YWHAE: variants seen among roughly 807,000 people sequenced by gnomAD.
YWHAE encodes the protein tyrosine 3-monooxygenase/tryptophan 5-monooxygenase activation protein epsilon.
YWHAE carries 4 observed loss-of-function variants against 30.1 expected under a neutral mutation model. The ratio of observed to expected loss-of-function variants is 0.13; its 90% CI spans 0.07 to 0.30. The LOEUF is 0.30. Among genes scored for constraint, YWHAE ranks in the 10% least tolerant of loss-of-function variants. The pLI, the probability that YWHAE is intolerant of heterozygous loss-of-function variation, is 1.00. For synonymous variants in YWHAE, 118 were observed against 111.8 expected, an observed-to-expected ratio of 1.06 and a Z score of -0.35; for missense variants, 121 against 315.9, an observed-to-expected ratio of 0.38 and a Z score of 4.68.
intron 1 of YWHAE, among the ~76,000 whole-genome samples, chr17:1,384,775 G>T (rs566427659): frequency 1.3e-5 from 2 of 151,904 alleles, no homozygotes; most frequent in Non-Finnish European, 2.9e-5. Flanking sequence ...GCGCTATCTC[G>T]GCTCACTGCA....
At chr17:1,353,218 C>CA (rs2072665996) in intron 5 of YWHAE, among the ~76,000 whole-genome samples, 1 of 151,814 alleles carries the variant, frequency 6.6e-6, no homozygotes, top group Admixed American at 6.6e-5. Flanking sequence ...GCGGGTGGAT[C>CA]ACAAGGTTAG....
chr17:1,347,201 T>C (rs962417062), intron 5 of YWHAE, among the ~76,000 whole-genome samples: 11 of 148,182 alleles, frequency 7.4e-5, no homozygotes, highest in Non-Finnish European at 1.5e-4. Flanking sequence ...TAGCCAGGCA[T>C]GGTGGCAGGC....
chr17:1,393,204 A>C (rs1318663983), intron 1 of YWHAE, among the ~76,000 whole-genome samples: 2 of 151,354 alleles, frequency 1.3e-5, no homozygotes, highest in Non-Finnish European at 2.9e-5. Flanking sequence ...AACAAAAAAA[A>C]CAGCTACTTA....
At chr17:1,350,279 T>G (rs935881206) in intron 5 of YWHAE, among the ~76,000 whole-genome samples, 1 of 152,022 alleles carries the variant, frequency 6.6e-6, no homozygotes. Flanking sequence ...GATGATCCAT[T>G]TCCTAAAACT....
In YWHAE at chr17:1,347,293, G is replaced by A. The variant is rs570337687; in HGVS notation, c.716-1794C>T. 9.6e-4 allele frequency among the ~76,000 whole-genome samples: 144 copies of A among 150,448 alleles called. No homozygotes were observed. In the Middle Eastern group the frequency reaches 0.01, roughly 11 times the overall value. On this transcript the variant is annotated intron_variant, in intron 5 of 5. Transcript: ENST00000264335. ...GCTTTCAGTGAGCCAAGATTCTGCC[G>A]CTGCACTCCAGCCTGGGCGACAATC...
At chr17:1,367,764 A>T (rs1270636050) in intron 1 of YWHAE, among the ~76,000 whole-genome samples, 1 of 152,148 alleles carries the variant, frequency 6.6e-6, no homozygotes, top group Non-Finnish European at 1.5e-5. Flanking sequence ...GATTAAAAGG[A>T]TTTTATCATT....
At chr17:1,355,961 G>A (rs962073470) in intron 4 of YWHAE, among the ~76,000 whole-genome samples, 1 of 152,130 alleles carries the variant, frequency 6.6e-6, no homozygotes, top group African/African-American at 2.4e-5. Context: ...GTGGTTAGGA[G>A]ATCGAGACCA....
intron 1 of YWHAE, among the ~76,000 whole-genome samples, chr17:1,374,344 T>C (rs2073092980): frequency 6.6e-6 from 1 of 151,786 alleles, no homozygotes; most frequent in Admixed American, 6.6e-5. Flanking sequence ...ATCCATTCGT[T>C]AGTTAATGAA....
chr17:1,384,476 C>G lies in YWHAE; in HGVS notation c.64+15571G>C, dbSNP rs558579805. ...GGAGGCCAAGGCGGGCAGATCACAA[C>G]GTCAGGAGATCAAGACCATCCTGGC... On this transcript the variant is annotated intron_variant, in intron 1 of 5. Coordinates refer to ENST00000264335, the MANE Select transcript of YWHAE (RefSeq NM_006761.5). Among the ~76,000 whole-genome samples, 90 of 149,348 alleles carry G rather than the reference C, an allele frequency of 6.0e-4. 1 individual carries two copies. The highest frequency in any genetic ancestry group is 5.3e-3 in the East Asian group (26 of 4,866).
intron 1 of YWHAE, among the ~76,000 whole-genome samples, chr17:1,390,645 T>C (rs947949155): frequency 6.6e-6 from 1 of 152,244 alleles, no homozygotes; most frequent in Non-Finnish European, 1.5e-5. Context: ...CTGTGCATTC[T>C]GTGATGGCAG....
intron 4 of YWHAE, among the ~76,000 whole-genome samples, chr17:1,354,964 GT>G (rs56351171): frequency 9.8e-4 from 73 of 74,710 alleles, no homozygotes; most frequent in African/African-American, 1.6e-3. Flanking sequence ...GCCCAGCCTA[GT>G]TTTTTTTTTT....
chr17:1,395,444 G>A (rs762634516), intron 1 of YWHAE, among the ~76,000 whole-genome samples: 9 of 152,164 alleles, frequency 5.9e-5, no homozygotes, highest in Non-Finnish European at 1.2e-4. Flanking sequence ...CAGGAGAACC[G>A]CTTGAACCTG....
At chr17:1,370,195 C>G (rs370953396) in intron 1 of YWHAE, among the ~76,000 whole-genome samples, 2 of 136,070 alleles carry the variant, frequency 1.5e-5, no homozygotes, top group African/African-American at 2.8e-5. Context: ...GGCGTGATCT[C>G]GGCTCACTGC....
chr17:1,359,556 A>AT (rs1264240085), intron 4 of YWHAE, among the ~76,000 whole-genome samples: 1 of 152,156 alleles, frequency 6.6e-6, no homozygotes, highest in Non-Finnish European at 1.5e-5. Flanking sequence ...TTTTACATGG[A>AT]TAAAAACATT....
At chr17:1,394,323 A>G (rs2073431695) in intron 1 of YWHAE, among the ~76,000 whole-genome samples, 1 of 151,156 alleles carries the variant, frequency 6.6e-6, no homozygotes, top group Non-Finnish European at 1.5e-5. Flanking sequence ...ACACATATGT[A>G]AAGTTTAGGC....
At chr17:1,350,423 G>T (rs1244032300) in intron 5 of YWHAE, among the ~76,000 whole-genome samples, 1 of 151,768 alleles carries the variant, frequency 6.6e-6, no homozygotes, top group Non-Finnish European at 1.5e-5. Context: ...TTATGAGTTG[G>T]TATCAAATGT....
chr17:1,382,819 G>A (rs2073235754), intron 1 of YWHAE, among the ~76,000 whole-genome samples: 1 of 152,120 alleles, frequency 6.6e-6, no homozygotes, highest in Admixed American at 6.6e-5. Flanking sequence ...GAGGTCAGGA[G>A]ATCGAGACCA....
rs1408460029 is a variant in YWHAE at position 1,388,095 on chromosome 17, ATTTTTGTTTTTTTTTTTGGTTGGTTT to A, written c.64+11926_64+11951del. ...CACGTGCCACCACCACGCCTGGGTA[ATTTTTGTTTTTTTTTTTGGTTGGTTT>A]TTTTTTTTTTTTTTTTTTTTTAGTA... On this transcript the variant is annotated intron_variant, in intron 1 of 5. Coordinates refer to ENST00000264335, the MANE Select transcript of YWHAE (RefSeq NM_006761.5). Among the ~76,000 whole-genome samples, 22 of 72,812 alleles carry A rather than the reference ATTTTTGTTTTTTTTTTTGGTTGGTTT, an allele frequency of 3.0e-4. 1 individual carries two copies. Among genetic ancestry groups the A allele is most frequent in the Admixed American group, 2.1e-3 (12 of 5,816 alleles). 47.8% of individuals were successfully genotyped at this position (72,812 alleles called of 152,430 possible).
At chr17:1,373,367 G>C (rs1047920565) in intron 1 of YWHAE, among the ~76,000 whole-genome samples, 1 of 151,486 alleles carries the variant, frequency 6.6e-6, no homozygotes, top group Non-Finnish European at 1.5e-5. Flanking sequence ...CCATTAACAT[G>C]TAATGAAAAG....
Sources: allele counts gnomAD v4.1 joint callset (sites outside exome capture counted in the v4.1 genomes callset), GRCh38; gene constraint gnomAD v4.1.1; transcripts MANE v1.5; gene names NCBI Gene and HGNC (gene_info 2026-07-23, HGNC 2026-07-21).